The following CELF2 variants were observed in gnomAD, a reference collection of about 807,000 sequenced individuals.
The protein encoded by CELF2 is CUG triplet repeat RNA-binding protein 2.
In CELF2, 8 loss-of-function variants were observed where a neutral mutation model predicts 62.6. The observed-to-expected ratio is 0.13, with a 90% CI of 0.07 to 0.23. CELF2 has a LOEUF of 0.23. CELF2 is among the 10% of genes least tolerant of loss of function. The pLI, the probability that CELF2 is intolerant of heterozygous loss-of-function variation, is 1.00. For synonymous variants in CELF2, 258 were observed against 250.0 expected (o/e 1.03, Z -0.30); for missense variants, 333 against 671.0 (o/e 0.50, Z 5.56).
intron 2 of CELF2, among the ~76,000 whole-genome samples, chr10:10,973,168 C>A (rs1172189412): frequency 1.3e-5 from 2 of 151,852 alleles, no homozygotes; most frequent in East Asian, 3.9e-4. Flanking sequence ...CGTGCACCTG[C>A]AGTCTGGGAG....
At chr10:10,922,554 C>T (rs2065020594) in intron 2 of CELF2, 1 of 152,204 alleles carries the variant, frequency 6.6e-6, no homozygotes, top group Admixed American at 6.5e-5. Flanking sequence ...TTAAGTAGCG[C>T]TGTATTTTGA....
In CELF2 at chr10:10,947,603, T is replaced by C. The variant is rs950579855; in HGVS notation, c.89+27604T>C. The C allele has an allele frequency of 3.9e-5, 6 of 152,656 alleles. No individual in the cohort carries two copies. Among genetic ancestry groups the C allele is most frequent in the African/African-American group, 1.4e-4 (6 of 41,462 alleles). The allele number at this position is 152,656 out of a possible 1,614,324, so 9.5% of individuals were successfully genotyped here. A position where few individuals can be genotyped will look rare whatever the true frequency, so the allele number is the denominator to read the frequency against. The stretch of plus-strand genomic sequence containing the variant: ...AAATCAGTGTCCTATTGCCTCGGTG[T>C]CCTCAGTGCCTAGAACAATGCCTGG... On this transcript the variant is annotated intron_variant, in intron 2 of 13. Coordinates refer to the CELF2 transcript ENST00000636488. This position sits in a 1 kb window ranked among gnomAD's most constrained non-coding sequence, Gnocchi z 4.1.
intron 1 of CELF2, among the ~76,000 whole-genome samples, chr10:11,136,172 A>G (rs1038832384): frequency 9.2e-5 from 14 of 152,246 alleles, no homozygotes; most frequent in Admixed American, 6.5e-4. Flanking sequence ...GAGATTTTCA[A>G]TCAACTAGCC....
chr10:11,211,813 A>AGAGTGTGTGT lies in CELF2; in HGVS notation c.272-5611_272-5610insAGTGTGTGTG, dbSNP rs1373283373. 6.7e-5 allele frequency among the ~76,000 whole-genome samples: 6 copies of AGAGTGTGTGT among 89,256 alleles called. No homozygotes were observed. The highest frequency in any genetic ancestry group is 2.4e-4 in the African/African-American group (5 of 21,122). 58.6% of individuals were successfully genotyped at this position (89,256 alleles called of 152,430 possible). On this transcript the variant is annotated intron_variant, in intron 2 of 12. Transcript: ENST00000633077. The surrounding 1 kb of genome is among the most constrained non-coding windows in gnomAD (Gnocchi z 4.8). ...GTGTGAGAGAGAGAGAGAGAGAGAGAGTGTGTGTGTGTGTGTGTGTGTGTG... is the reference window on the plus strand; with the variant it reads ...GTGTGAGAGAGAGAGAGAGAGAGAGAGAGTGTGTGTGTGTGTGTGTGTGTGTGTGTGTGTG...
intron 3 of CELF2, among the ~76,000 whole-genome samples, chr10:11,232,468 C>T (rs140701044): frequency 6.6e-6 from 1 of 152,166 alleles, no homozygotes; most frequent in Non-Finnish European, 1.5e-5. Flanking sequence ...CACACAGCCA[C>T]AGGACCAAGT....
At chr10:10,921,557 C>G (rs774647591) in intron 2 of CELF2, among the ~76,000 whole-genome samples, 3 of 152,196 alleles carry the variant, frequency 2.0e-5, no homozygotes, top group Non-Finnish European at 2.9e-5. Flanking sequence ...TGTGAGCCAC[C>G]GTGCCTGGCC....
At chr10:10,532,409 A>G in the CELF2 span, among the ~76,000 whole-genome samples, 1 of 152,246 alleles carries the variant, frequency 6.6e-6, no homozygotes, top group Non-Finnish European at 1.5e-5. Context: ...CTTCAAGTAC[A>G]TTCCTGGGAA....
Position 10,802,709 on chromosome 10 carries a change from A to G in CELF2, c.53+3892A>G, listed in dbSNP as rs564175802. Among the ~76,000 whole-genome samples the G allele has an allele frequency of 4.6e-5, 7 of 152,274 alleles. No individual in the cohort carries two copies. In the South Asian group the frequency reaches 1.5e-3, roughly 32 times the overall value. On this transcript the variant is annotated intron_variant, in intron 1 of 13. Transcript: ENST00000636488. ...CCATTTAGAGACAAGGGAATAGATG[A>G]ATTGACTAAAGGAAGTCATAGAACT...
chr10:10,882,559 C>T (rs931025800), intron 1 of CELF2, among the ~76,000 whole-genome samples: 2 of 152,126 alleles, frequency 1.3e-5, no homozygotes, highest in African/African-American at 4.8e-5. Context: ...TGGAAAATCC[C>T]TCTGCTAACA....
chr10:11,200,482 G>T (rs1442850822), intron 2 of CELF2, among the ~76,000 whole-genome samples: 1 of 152,190 alleles, frequency 6.6e-6, no homozygotes, highest in Non-Finnish European at 1.5e-5. Context: ...CAGAATGTGG[G>T]CATGTGCTTA....
the CELF2 span, among the ~76,000 whole-genome samples, chr10:10,546,545 T>C: frequency 6.6e-6 from 1 of 152,224 alleles, no homozygotes; most frequent in Non-Finnish European, 1.5e-5. Flanking sequence ...ACTGCTTTCC[T>C]GAGTCAAAGC....
the CELF2 span, among the ~76,000 whole-genome samples, chr10:10,781,427 A>G: frequency 6.6e-6 from 1 of 152,204 alleles, no homozygotes; most frequent in Non-Finnish European, 1.5e-5. Flanking sequence ...ACAGTTCCAC[A>G]TGGCTGGGGA....
chr10:10,977,112 T>C (rs921619288), intron 2 of CELF2, among the ~76,000 whole-genome samples: 3 of 125,724 alleles, frequency 2.4e-5, no homozygotes, highest in African/African-American at 1.5e-4. Flanking sequence ...GGCAAACACC[T>C]GCAAAAAAAA....
At chr10:11,313,075 TACAA>T (rs1237099097) in intron 9 of CELF2, among the ~76,000 whole-genome samples, 2 of 152,076 alleles carry the variant, frequency 1.3e-5, no homozygotes, top group African/African-American at 2.4e-5. Flanking sequence ...GTAGCCAAAA[TACAA>T]ACAGATAAGT....
At chr10:10,662,621 G>T in the CELF2 span, among the ~76,000 whole-genome samples, 2 of 152,106 alleles carry the variant, frequency 1.3e-5, no homozygotes. Context: ...TAGTAAAAGT[G>T]ACCCCCTTCT....
At chr10:11,283,987 T>G (rs1450073865) in intron 8 of CELF2, among the ~76,000 whole-genome samples, 5 of 136,680 alleles carry the variant, frequency 3.7e-5, no homozygotes, top group African/African-American at 5.7e-5. Context: ...GATGAGTGTG[T>G]GGTGAGTGGA....
At chr10:10,545,698 C>G in the CELF2 span, among the ~76,000 whole-genome samples, 1 of 151,928 alleles carries the variant, frequency 6.6e-6, no homozygotes, top group Non-Finnish European at 1.5e-5. Context: ...ATACTATACA[C>G]ACACACACAC....
At chr10:10,730,249 G>A in the CELF2 span, among the ~76,000 whole-genome samples, 1 of 152,164 alleles carries the variant, frequency 6.6e-6, no homozygotes, top group African/African-American at 2.4e-5. Context: ...GGCCAAAGTA[G>A]GTGGATCACT....
chr10:11,074,106 G>A (rs2071080292), intron 1 of CELF2, among the ~76,000 whole-genome samples: 2 of 152,194 alleles, frequency 1.3e-5, no homozygotes, highest in Admixed American at 1.3e-4. Flanking sequence ...ACGAGTATGT[G>A]TGTGTTACAA....
Sources: gnomAD v4.1 joint callset for allele counts (sites outside exome capture counted in the v4.1 genomes callset) on GRCh38, gnomAD v4.1.1 for gene constraint, Gnocchi (gnomAD v3.1) non-coding constraint, MANE v1.5 for transcripts, NCBI Gene and HGNC (gene_info 2026-07-23, HGNC 2026-07-21) for gene names.